The following UGT3A2 variants were observed in gnomAD, a reference collection of about 807,000 sequenced individuals.
UGT3A2 encodes UDP-glycosyltransferase 3A2.
Under a neutral mutation model 39.8 loss-of-function variants are expected in UGT3A2, and 32 were observed. That is an observed-to-expected ratio of 0.80 (90% CI 0.61 to 1.08). The LOEUF (loss-of-function observed/expected upper bound fraction) is 1.08, where lower values mean the gene tolerates loss of function less well. UGT3A2 is among the 50% of genes least tolerant of loss of function. UGT3A2 has a pLI of 0.00. For synonymous variants in UGT3A2, 241 were observed against 230.7 expected (o/e 1.04, Z -0.40); for missense variants, 611 against 637.1 (o/e 0.96, Z 0.44).
chr5:36,059,361 CTTT>C (rs35872759), intron 2 of UGT3A2, among the ~76,000 whole-genome samples: 19 of 118,714 alleles, frequency 1.6e-4, no homozygotes, highest in East Asian at 2.5e-4. Context: ...TTTCTTTTCT[CTTT>C]TTTTTTTTTT....
intron 4 of UGT3A2, among the ~76,000 whole-genome samples, chr5:36,042,286 T>C (rs914618901): frequency 3.9e-5 from 6 of 152,184 alleles, no homozygotes; most frequent in Non-Finnish European, 7.3e-5. Flanking sequence ...TGTTTGTTTC[T>C]TTTTGCAATC....
rs375302855 is a variant in UGT3A2, at chr5:36,066,612, C to T, written c.94+84G>A. 38 of 1,601,194 alleles carry T rather than the reference C, an allele frequency of 2.4e-5. No homozygotes were observed. In the East Asian group the frequency reaches 8.0e-4, roughly 34 times the overall value. On this transcript the variant is annotated intron_variant, in intron 1 of 6. Transcript: ENST00000282507. Reference sequence around the variant, plus strand: ...AGCCTGGAAAATCACGTGGATGACTCTGATCAAGCGCTGTTCTCTGGAGCC... The same window carrying T: ...AGCCTGGAAAATCACGTGGATGACTTTGATCAAGCGCTGTTCTCTGGAGCC...
intron 2 of UGT3A2, among the ~76,000 whole-genome samples, chr5:36,060,591 C>T (rs933741795): frequency 6.6e-6 from 1 of 152,144 alleles, no homozygotes; most frequent in African/African-American, 2.4e-5. Context: ...AAGCGGGGAG[C>T]TCTTTTCTTC....
intron 2 of UGT3A2, among the ~76,000 whole-genome samples, chr5:36,061,922 T>C (rs111602297): frequency 0.032 from 4,753 of 150,234 alleles, 127 homozygotes; most frequent in Non-Finnish European, 0.049. Flanking sequence ...GACTTTTTAA[T>C]GATTGCCATT....
At chr5:36,066,074 A>G (rs977519442) in intron 1 of UGT3A2, among the ~76,000 whole-genome samples, 4 of 152,204 alleles carry the variant, frequency 2.6e-5, no homozygotes, top group African/African-American at 9.7e-5. Context: ...CGGCACAGGT[A>G]AAAGGAAAGA....
rs757142340 is a variant in UGT3A2 at position 36,035,769 on chromosome 5, A to G, written c.1501T>C (p.Trp501Arg). ...FLLGLTLGTL[W>R]LCGKLLGMAV... ...ATGCCCAGCAGCTTCCCACAAAGCC[A>G]TAGAGTCCCCAGAGTGAGCCCCAGC... The change falls in exon 7 of 7, where the codon TGG becomes CGG. Residue 501 changes from tryptophan (W) to arginine (R), a missense_variant. Trp to Arg is a moderately radical substitution (Grantham distance 101). Coordinates refer to ENST00000282507, the MANE Select transcript of UGT3A2 (RefSeq NM_174914.4). 6.2e-7 allele frequency: 1 copy of G among 1,614,116 alleles called. No individual in the cohort carries two copies. The highest frequency in any genetic ancestry group is 8.5e-7 in the Non-Finnish European group (1 of 1,180,014).
At chr5:36,061,134 T>C (rs991084661) in intron 2 of UGT3A2, among the ~76,000 whole-genome samples, 1 of 152,064 alleles carries the variant, frequency 6.6e-6, no homozygotes, top group African/African-American at 2.4e-5. Flanking sequence ...ATCACACCAC[T>C]GCACTCCAAC....
At chr5:36,053,989 T>C (rs1742428867) in intron 2 of UGT3A2, among the ~76,000 whole-genome samples, 1 of 152,210 alleles carries the variant, frequency 6.6e-6, no homozygotes, top group African/African-American at 2.4e-5. Flanking sequence ...AGAAGAATTG[T>C]CTTGGGCCAC....
At chr5:36,036,233 G>A (rs1741825938) in intron 6 of UGT3A2, among the ~76,000 whole-genome samples, 1 of 152,176 alleles carries the variant, frequency 6.6e-6, no homozygotes, top group Non-Finnish European at 1.5e-5. Flanking sequence ...CTTATGATGT[G>A]CCCTAGGAAA....
At chr5:36,051,798 C>CCATG in intron 3 of UGT3A2, 72 bp downstream of exon 3, 4 of 1,086,074 alleles carry the variant, frequency 3.7e-6, no homozygotes, top group Non-Finnish European at 5.4e-6. Flanking sequence ...TTCCAAGTAT[C>CCATG]CATGCATCCA....
intron 2 of UGT3A2, among the ~76,000 whole-genome samples, chr5:36,061,495 G>GT (rs1334074884): frequency 2.0e-5 from 3 of 149,846 alleles, no homozygotes; most frequent in South Asian, 4.2e-4. Context: ...GCGGTGTTTG[G>GT]TTTTTTGTTC....
chr5:36,064,112 C>G, intron 2 of UGT3A2, 137 bp downstream of exon 2: 2 of 769,544 alleles, frequency 2.6e-6, no homozygotes, highest in Non-Finnish European at 4.1e-6. Context: ...TGGCACTTTA[C>G]ATACACACAC....
At chr5:36,041,978 C>G (rs1742022827) in intron 4 of UGT3A2, among the ~76,000 whole-genome samples, 1 of 151,858 alleles carries the variant, frequency 6.6e-6, no homozygotes, top group South Asian at 2.1e-4. Flanking sequence ...TCAAAATAAC[C>G]GTTTTGAGGA....
At chr5:36,041,281 T>C (rs1741998596) in intron 4 of UGT3A2, among the ~76,000 whole-genome samples, 1 of 152,102 alleles carries the variant, frequency 6.6e-6, no homozygotes, top group South Asian at 2.1e-4. Context: ...ACAGAATTCC[T>C]AGACCCAACC....
intron 4 of UGT3A2, among the ~76,000 whole-genome samples, 176 bp downstream of exon 4, chr5:36,048,713 C>T (rs963883574): frequency 6.6e-6 from 1 of 152,118 alleles, no homozygotes; most frequent in African/African-American, 2.4e-5. Context: ...GGTGCAAGGC[C>T]TAACATTATA....
chr5:36,043,970 A>C (rs897844252), intron 4 of UGT3A2, among the ~76,000 whole-genome samples: 1 of 152,084 alleles, frequency 6.6e-6, no homozygotes, highest in Non-Finnish European at 1.5e-5. Context: ...TCTAAAAAAC[A>C]TAGAAGAGAG....
intron 2 of UGT3A2, among the ~76,000 whole-genome samples, chr5:36,061,915 T>A (rs1742717114): frequency 6.7e-6 from 1 of 150,288 alleles, no homozygotes; most frequent in African/African-American, 2.5e-5. Flanking sequence ...GTTTCCTGAC[T>A]TTTTAATGAT....
In UGT3A2 at chr5:36,037,951, G is replaced by T; in HGVS notation, c.1141C>A (p.His381Asn). The change falls in exon 6 of 7, where the codon CAT (histidine) becomes AAT (asparagine). Residue 381 changes from histidine (H) to asparagine (N), a missense_variant. His to Asn is a moderately conservative substitution (Grantham distance 68). Transcript: ENST00000282507. ...GQNSIMEAIQ[H>N]GVPMVGIPLF... ...GGGATCCCCACCATGGGCACACCAT[G>T]CTGGATGGCCTCCATTATGCTATTC... The T allele has an allele frequency of 1.9e-6, 3 of 1,614,112 alleles. No homozygotes were observed. Among genetic ancestry groups the T allele is most frequent in the Non-Finnish European group, 2.5e-6 (3 of 1,180,002 alleles).
chr5:36,060,416 G>A (rs998275040), intron 2 of UGT3A2, among the ~76,000 whole-genome samples: 5 of 151,994 alleles, frequency 3.3e-5, no homozygotes, highest in South Asian at 2.1e-4. Context: ...GGGCAGTCAC[G>A]CCCCAAGTGC....
Sources: allele counts gnomAD v4.1 joint callset (sites outside exome capture counted in the v4.1 genomes callset), GRCh38; gene constraint gnomAD v4.1.1; transcripts MANE v1.5; gene names NCBI Gene and HGNC (gene_info 2026-07-23, HGNC 2026-07-21).